The following GRID1 variants were observed in gnomAD, a reference collection of about 807,000 sequenced individuals.
GRID1 encodes glutamate ionotropic receptor delta type subunit 1.
Under a neutral mutation model 98.0 loss-of-function variants are expected in GRID1, and 28 were observed. The observed-to-expected ratio is 0.29, with a 90% CI of 0.21 to 0.39. GRID1 has a LOEUF of 0.39. Among genes scored for constraint, GRID1 ranks in the 10% least tolerant of loss-of-function variants. The pLI, the probability that GRID1 is intolerant of heterozygous loss-of-function variation, is 1.00. For synonymous variants in GRID1, 553 were observed against 538.5 expected, an observed-to-expected ratio of 1.03 and a Z score of -0.37; for missense variants, 1,111 against 1,340.5, an observed-to-expected ratio of 0.83 and a Z score of 2.67.
chr10:86,143,883 C>T (rs868329293), intron 3 of GRID1, among the ~76,000 whole-genome samples: 2 of 152,204 alleles, frequency 1.3e-5, no homozygotes, highest in Non-Finnish European at 2.9e-5. Context: ...TGCAAGGTGA[C>T]GGTGCCCAGG....
At chr10:85,685,905 A>G (rs1051909361) in intron 12 of GRID1, among the ~76,000 whole-genome samples, 10 of 152,132 alleles carry the variant, frequency 6.6e-5, no homozygotes, top group Non-Finnish European at 1.0e-4. Context: ...AAAAATGTGC[A>G]AGACCTTTAT....
chr10:86,135,202 C>A (rs138589806), intron 4 of GRID1, among the ~76,000 whole-genome samples: 1 of 152,228 alleles, frequency 6.6e-6, no homozygotes, highest in African/African-American at 2.4e-5. Flanking sequence ...TGTCACTGTG[C>A]ACTGAAGTCC....
At chr10:85,743,105 G>GCCCCCCCCCCCCCCCC (rs4031782) in intron 8 of GRID1, among the ~76,000 whole-genome samples, 4 of 82,672 alleles carry the variant, frequency 4.8e-5, no homozygotes, top group Admixed American at 1.8e-4. Flanking sequence ...GAATTATGCA[G>GCCCCCCCCCCCCCCCC]CCCCCCCCCC....
At chr10:85,806,008 T>C (rs1428130495) in intron 8 of GRID1, among the ~76,000 whole-genome samples, 1 of 148,430 alleles carries the variant, frequency 6.7e-6, no homozygotes, top group Non-Finnish European at 1.5e-5. Flanking sequence ...AAAAAAAAAG[T>C]CCATTAAGGA....
intron 4 of GRID1, among the ~76,000 whole-genome samples, chr10:85,964,842 G>C (rs771168150): frequency 1.3e-5 from 2 of 152,148 alleles, no homozygotes; most frequent in African/African-American, 2.4e-5. Context: ...ACTATCATCA[G>C]AGTGAACATG....
chr10:85,800,976 A>C (rs963493917), intron 8 of GRID1, among the ~76,000 whole-genome samples: 6 of 152,176 alleles, frequency 3.9e-5, no homozygotes, highest in African/African-American at 1.4e-4. Context: ...CAATTATTTA[A>C]AAAGAATAAT....
At chr10:85,699,138 C>T (rs765583458) in intron 12 of GRID1, among the ~76,000 whole-genome samples, 2 of 151,978 alleles carry the variant, frequency 1.3e-5, no homozygotes, top group Non-Finnish European at 2.9e-5. Flanking sequence ...CTGCAACCTC[C>T]GCCTCCCAGG....
intron 2 of GRID1, among the ~76,000 whole-genome samples, chr10:86,276,324 A>C (rs1471675648): frequency 6.6e-6 from 1 of 152,142 alleles, no homozygotes; most frequent in East Asian, 1.9e-4. Flanking sequence ...TTCCCATTCT[A>C]TAGGGATGCA....
intron 12 of GRID1, among the ~76,000 whole-genome samples, chr10:85,706,706 A>G (rs1451329035): frequency 6.6e-6 from 1 of 152,226 alleles, no homozygotes; most frequent in Non-Finnish European, 1.5e-5. Context: ...ACCTGACTTC[A>G]AACAATACTA....
intron 12 of GRID1, among the ~76,000 whole-genome samples, chr10:85,695,131 C>T (rs1233007065): frequency 1.3e-5 from 2 of 151,946 alleles, no homozygotes; most frequent in African/African-American, 4.8e-5. Flanking sequence ...TTGGGACTTT[C>T]CAGCACCTTG....
chr10:86,117,733 G>C (rs1421994476), intron 4 of GRID1, among the ~76,000 whole-genome samples: 1 of 152,170 alleles, frequency 6.6e-6, no homozygotes, highest in Non-Finnish European at 1.5e-5. Context: ...TTAATTATCA[G>C]AGAAATGCAA....
intron 4 of GRID1, among the ~76,000 whole-genome samples, chr10:86,004,024 G>A (rs1842830995): frequency 6.6e-6 from 1 of 152,188 alleles, no homozygotes; most frequent in African/African-American, 2.4e-5. Flanking sequence ...AGGAAACTGT[G>A]CACAGGAATC....
At chr10:86,035,146 C>A (rs1377024299) in intron 4 of GRID1, among the ~76,000 whole-genome samples, 1 of 152,150 alleles carries the variant, frequency 6.6e-6, no homozygotes, top group East Asian at 1.9e-4. Flanking sequence ...CTCTCACTAG[C>A]GGCCTTGATT....
intron 4 of GRID1, among the ~76,000 whole-genome samples, chr10:85,992,359 T>A (rs1174806376): frequency 6.6e-6 from 1 of 151,686 alleles, no homozygotes; most frequent in Non-Finnish European, 1.5e-5. Flanking sequence ...CATGTGGGAG[T>A]TTTGCCTGGT....
chr10:85,884,815 G>A (rs1466464289), intron 5 of GRID1, among the ~76,000 whole-genome samples: 1 of 152,074 alleles, frequency 6.6e-6, no homozygotes, highest in African/African-American at 2.4e-5. Flanking sequence ...ATTGACTGAT[G>A]GCAAAATACT....
chr10:85,948,808 A>G (rs561746192), intron 4 of GRID1, among the ~76,000 whole-genome samples: 1 of 152,356 alleles, frequency 6.6e-6, no homozygotes, highest in South Asian at 2.1e-4. Flanking sequence ...AGTATTTTCA[A>G]ATTTTAATAA....
chr10:85,920,777 C>T (rs1841692232), intron 4 of GRID1, among the ~76,000 whole-genome samples: 1 of 152,162 alleles, frequency 6.6e-6, no homozygotes, highest in Admixed American at 6.5e-5. Flanking sequence ...GGAAGGGGGG[C>T]CGGCCTTCTG....
At chr10:86,104,524 C>A (rs565378859) in intron 4 of GRID1, among the ~76,000 whole-genome samples, 9 of 152,336 alleles carry the variant, frequency 5.9e-5, no homozygotes, top group African/African-American at 1.9e-4. Context: ...CTTCACAAGG[C>A]CCCCAGCCCT....
intron 8 of GRID1, among the ~76,000 whole-genome samples, chr10:85,776,813 G>A (rs1842335903): frequency 6.6e-6 from 1 of 152,202 alleles, no homozygotes; most frequent in Non-Finnish European, 1.5e-5. Flanking sequence ...CCATGTTCTG[G>A]CATAGTCCTC....
Sources: gnomAD v4.1 joint callset for allele counts (sites outside exome capture counted in the v4.1 genomes callset) on GRCh38, gnomAD v4.1.1 for gene constraint, MANE v1.5 for transcripts, NCBI Gene and HGNC (gene_info 2026-07-23, HGNC 2026-07-21) for gene names.